The following BRD1 variants were observed in gnomAD, a reference collection of about 807,000 sequenced individuals.
The protein encoded by BRD1 is bromodomain-containing protein 1.
In BRD1, 24 loss-of-function variants were observed where a neutral mutation model predicts 107.7. That is an observed-to-expected ratio of 0.22 (90% confidence interval 0.16 to 0.31). BRD1 has a LOEUF of 0.31. Among genes scored for constraint, BRD1 ranks in the 10% least tolerant of loss-of-function variants. The pLI is 1.00. For missense variants in BRD1, 1,279 were observed against 1,638.6 expected (o/e 0.78, Z 3.79); for synonymous variants, 744 against 686.1 (o/e 1.08, Z -1.32).
At chr22:49,813,790 T>G (rs954194217) in intron 2 of BRD1, among the ~76,000 whole-genome samples, 1 of 150,862 alleles carries the variant, frequency 6.6e-6, no homozygotes, top group Non-Finnish European at 1.5e-5. Context: ...GACTGTGCCA[T>G]TGCACTCCAG....
At chr22:49,791,420 A>G (rs1208972424) in intron 7 of BRD1, among the ~76,000 whole-genome samples, 1 of 152,198 alleles carries the variant, frequency 6.6e-6, no homozygotes, top group Non-Finnish European at 1.5e-5. Flanking sequence ...AACACAACAC[A>G]CAGACTGTTA....
At chr22:49,782,667 G>A (rs894630738) in intron 8 of BRD1, among the ~76,000 whole-genome samples, 10 of 149,282 alleles carry the variant, frequency 6.7e-5, no homozygotes, top group Non-Finnish European at 1.2e-4. Context: ...CCCACTCCGC[G>A]ACAATGCAGC....
chr22:49,804,429 T>C lies in BRD1; in HGVS notation c.1368-69A>G, dbSNP rs147541498. 12,281 of 1,501,906 alleles carry C rather than the reference T, an allele frequency of 8.2e-3. 128 individuals carry two copies. Among genetic ancestry groups the C allele is most frequent in the South Asian group, 0.041 (3,064 of 74,526 alleles). The allele number at this position is 1,501,906 out of a possible 1,614,324, so 93.0% of individuals were successfully genotyped here. ...GATGTTTCATCACATAAACTAGAAA[T>C]GACAGTACTACTGCTAACAAAACCA... is the stretch of plus-strand genomic sequence containing the variant. On this transcript the variant is annotated intron_variant, in intron 2 of 12. Coordinates refer to ENST00000404760, the MANE Select transcript of BRD1 (RefSeq NM_001304808.3).
rs778810021 is a variant in BRD1, at chr22:49,774,059, C to T, written c.*174G>A. On this transcript the variant is annotated 3_prime_UTR_variant, in exon 13 of 13. Coordinates refer to ENST00000404760, the MANE Select transcript of BRD1 (RefSeq NM_001304808.3). Reference sequence around the variant, plus strand: ...CCGGACGTGCCCACCCCACTCACAGCGCCCAGACGGAGATGGGTTCCTAGA... The same window carrying T: ...CCGGACGTGCCCACCCCACTCACAGTGCCCAGACGGAGATGGGTTCCTAGA... 11 of 865,430 alleles carry T rather than the reference C, an allele frequency of 1.3e-5. No individual in the cohort carries two copies. Among genetic ancestry groups the T allele is most frequent in the South Asian group, 6.4e-5 (3 of 47,022 alleles). 53.6% of individuals were successfully genotyped at this position (865,430 alleles called of 1,614,324 possible).
chr22:49,820,654 T>A (rs951023344), intron 2 of BRD1, among the ~76,000 whole-genome samples: 4 of 152,184 alleles, frequency 2.6e-5, no homozygotes, highest in African/African-American at 9.7e-5. Flanking sequence ...TACACAGAAT[T>A]CAAATGCACA....
Position 49,827,824 on chromosome 22 carries a change from G to A in BRD1, c.-342C>T, listed in dbSNP as rs1248305445. ...CGGGCGCGGGACGCGGGGCTGGCTC[G>A]GACTCCAGGGCCGGGTCGCTCGCTC... is the stretch of plus-strand genomic sequence containing the variant. On this transcript the variant is annotated 5_prime_UTR_variant, in exon 1 of 13. Coordinates refer to ENST00000404760, the MANE Select transcript of BRD1 (RefSeq NM_001304808.3). Among the ~76,000 whole-genome samples, 3 of 145,840 alleles carry A rather than the reference G, an allele frequency of 2.1e-5. No individual in the cohort carries two copies. Among genetic ancestry groups the A allele is most frequent in the African/African-American group, 7.4e-5 (3 of 40,640 alleles).
At chr22:49,786,290 A>G (rs1006964813) in intron 8 of BRD1, among the ~76,000 whole-genome samples, 12 of 152,228 alleles carry the variant, frequency 7.9e-5, no homozygotes, top group African/African-American at 2.9e-4. Flanking sequence ...AAGCGCAGCC[A>G]GTACCGAAGA....
chr22:49,824,544 G>C lies in BRD1; in HGVS notation c.-14-213C>G. 7.2e-7 allele frequency: 1 copy of C among 1,382,662 alleles called. No individual in the cohort carries two copies. Among genetic ancestry groups the C allele is most frequent in the Non-Finnish European group, 9.4e-7 (1 of 1,068,662 alleles). The allele number at this position is 1,382,662 out of a possible 1,614,324, so 85.6% of individuals were successfully genotyped here. A position where few individuals can be genotyped will look rare whatever the true frequency, so the allele number is the denominator to read the frequency against. On this transcript the variant is annotated intron_variant, in intron 1 of 12. Coordinates refer to ENST00000404760, the MANE Select transcript of BRD1 (RefSeq NM_001304808.3). The surrounding 1 kb of genome is among the most constrained non-coding windows in gnomAD (Gnocchi z 5.9). ...GGAGGGAGCAGCAGTAACAGGCAGA[G>C]AGGCAGCCTGAGGAGCCCTCCTGAG...
Position 49,823,359 on chromosome 22 carries a change from G to A in BRD1, c.959C>T (p.Pro320Leu), listed in dbSNP as rs749670674. The A allele has an allele frequency of 6.2e-7, 1 of 1,614,116 alleles. No homozygotes were observed. Among genetic ancestry groups the A allele is most frequent in the Non-Finnish European group, 8.5e-7 (1 of 1,180,038 alleles). The change falls in exon 2 of 13, where the codon CCA (proline) becomes CTA (leucine). Residue 320 changes from proline (P) to leucine (L), a missense_variant. Transcript: ENST00000404760. ...GTAGCATGTCAGTTTCCACCGGGCTGGAGGGATGTTCCTCACCCCATCGAT... is the reference window on the plus strand; with the variant it reads ...GTAGCATGTCAGTTTCCACCGGGCTAGAGGGATGTTCCTCACCCCATCGAT... The part of the protein sequence containing the change: ...EPIDGVRNIP[P>L]ARWKLTCYLC...
chr22:49,809,978 C>T (rs1752338210), intron 2 of BRD1, among the ~76,000 whole-genome samples: 1 of 152,138 alleles, frequency 6.6e-6, no homozygotes, highest in South Asian at 2.1e-4. Context: ...TATTCACAAG[C>T]ACAGATGGAC....
At position 49,823,826 on chromosome 22, in the gene BRD1, G is replaced by A; in HGVS notation, c.492C>T (p.Ala164=). The A allele has an allele frequency of 6.2e-7, 1 of 1,614,188 alleles. No individual in the cohort carries two copies. Among genetic ancestry groups the A allele is most frequent in the Non-Finnish European group, 8.5e-7 (1 of 1,180,036 alleles). Residue 164 remains alanine, a synonymous_variant, in exon 2 of 13, where the codon GCC becomes GCT. Transcript: ENST00000404760. ...VEYDMDEEDY[A]WLEIVNEKRK... ...GCTTCTCATTGACGATCTCCAGCCA[G>A]GCATAGTCCTCCTCGTCCATGTCAT...
At chr22:49,789,989 C>A (rs1164914077) in intron 7 of BRD1, among the ~76,000 whole-genome samples, 2 of 152,266 alleles carry the variant, frequency 1.3e-5, no homozygotes, top group Non-Finnish European at 2.9e-5. Context: ...CATGCATGCA[C>A]CCCACACGCC....
chr22:49,775,828 T>TGTGTGAGCCTCCTCAGATCCCCCCCGCCC, intron 11 of BRD1, 83 bp from the exon 12 acceptor site: 16 of 728,820 alleles, frequency 2.2e-5, no homozygotes, highest in Middle Eastern at 1.1e-3. Context: ...CCCCCCCGCC[T>TGTGTGAGCCTCCTCAGATCCCCCCCGCCC]CCCCACCCCA....
At chr22:49,798,724 G>C (rs746954206) in intron 4 of BRD1, 38 bp from the exon 5 acceptor site, 1 of 1,533,846 alleles carries the variant, frequency 6.5e-7, no homozygotes, top group South Asian at 1.2e-5. Context: ...TTAGGGAGCC[G>C]CACATGCGTC....
chr22:49,816,675 G>C (rs1355359148), intron 2 of BRD1, among the ~76,000 whole-genome samples: 1 of 152,220 alleles, frequency 6.6e-6, no homozygotes, highest in Non-Finnish European at 1.5e-5. Flanking sequence ...TAGGCAGGAG[G>C]ATTGCTTAAG....
intron 8 of BRD1, 91 bp downstream of exon 8, chr22:49,787,299 A>ACC (rs138839): frequency 1.1e-4 from 59 of 546,744 alleles, no homozygotes; most frequent in Admixed American, 8.6e-4. Flanking sequence ...GAAGCTGGAC[A>ACC]CCCCCCCCCC....
At chr22:49,810,498 A>T (rs1229070791) in intron 2 of BRD1, among the ~76,000 whole-genome samples, 4 of 152,244 alleles carry the variant, frequency 2.6e-5, no homozygotes, top group Non-Finnish European at 5.9e-5. Context: ...TCCAACTTGT[A>T]AATGTTTGTG....
At chr22:49,774,996 G>A (rs927686596) in intron 12 of BRD1, among the ~76,000 whole-genome samples, 6 of 152,244 alleles carry the variant, frequency 3.9e-5, no homozygotes, top group African/African-American at 7.2e-5. Flanking sequence ...CCCGGGCCAC[G>A]TGCGCAGGGC....
Position 49,804,216 on chromosome 22 carries a change from T to C in BRD1, c.1512A>G (p.Arg504=), listed in dbSNP as rs764631460. 1.3e-6 allele frequency: 2 copies of C among 1,595,050 alleles called. No individual in the cohort carries two copies. The highest frequency in any genetic ancestry group is 3.4e-5 in the Admixed American group (2 of 58,208). The change falls in exon 3 of 13, where the codon CGA becomes CGG. Residue 504 remains arginine (R), a synonymous_variant. Transcript: ENST00000404760. ...RRLQSSLQSQ[R]SSQQRENDEE... is the part of the protein sequence containing the mutation. Reference sequence around the variant, plus strand: ...ACGAGCCACGTACCTGCTGTGAGCTTCGCTGAGACTGCAGGCTGGACTGCA... The same window carrying C: ...ACGAGCCACGTACCTGCTGTGAGCTCCGCTGAGACTGCAGGCTGGACTGCA...
Sources: allele counts gnomAD v4.1 joint callset (sites outside exome capture counted in the v4.1 genomes callset), GRCh38; gene constraint gnomAD v4.1.1; non-coding constraint Gnocchi (gnomAD v3.1); transcripts MANE v1.5; gene names NCBI Gene and HGNC (gene_info 2026-07-23, HGNC 2026-07-21).